CRPPA: variants seen among roughly 807,000 people sequenced by gnomAD.
CRPPA encodes the protein D-ribitol-5-phosphate cytidylyltransferase.
A neutral mutation model predicts 52.0 loss-of-function variants in CRPPA; 43 were observed. That is an observed-to-expected ratio of 0.83 (90% CI 0.65 to 1.07). The LOEUF (loss-of-function observed/expected upper bound fraction) is 1.07. CRPPA is among the 50% of genes least tolerant of loss of function. The pLI is 0.00. For missense variants in CRPPA, 629 were observed against 551.7 expected, an observed-to-expected ratio of 1.14 and a Z score of -1.40; for synonymous variants, 250 against 203.5, an observed-to-expected ratio of 1.23 and a Z score of -1.94.
chr7:16,412,444 A>T (rs1267346292), intron 1 of CRPPA, among the ~76,000 whole-genome samples: 6 of 152,320 alleles, frequency 3.9e-5, no homozygotes, highest in Admixed American at 2.0e-4. Context: ...ACAGGTCAAA[A>T]AAAAGTTTGG....
At chr7:16,418,157 G>A (rs965312345) in intron 1 of CRPPA, among the ~76,000 whole-genome samples, 3 of 152,164 alleles carry the variant, frequency 2.0e-5, no homozygotes, top group Admixed American at 6.5e-5. Flanking sequence ...CTTGGCAAAT[G>A]GCCAAGCAGC....
intron 9 of CRPPA, among the ~76,000 whole-genome samples, chr7:16,110,470 C>A: frequency 6.6e-6 from 1 of 151,850 alleles, no homozygotes; most frequent in East Asian, 1.9e-4. Flanking sequence ...CCAAGGCAGC[C>A]ACGAGCGAAA....
intron 8 of CRPPA, among the ~76,000 whole-genome samples, chr7:16,232,575 C>A (rs1442106107): frequency 6.6e-6 from 1 of 151,968 alleles, no homozygotes; most frequent in Admixed American, 6.6e-5. Context: ...TATTCTAACA[C>A]CAGAAAACAC....
At chr7:16,176,642 A>G (rs1781302575) in intron 9 of CRPPA, among the ~76,000 whole-genome samples, 1 of 152,128 alleles carries the variant, frequency 6.6e-6, no homozygotes, top group Admixed American at 6.6e-5. Flanking sequence ...GGTTCTCACT[A>G]TGTTGTTCAC....
intron 8 of CRPPA, among the ~76,000 whole-genome samples, chr7:16,243,911 G>C (rs1425708900): frequency 6.6e-6 from 1 of 152,154 alleles, no homozygotes; most frequent in Non-Finnish European, 1.5e-5. Context: ...AGGCTTCATT[G>C]AGCTATGATC....
chr7:16,419,653 G>T (rs1257948687), intron 1 of CRPPA, among the ~76,000 whole-genome samples: 1 of 152,006 alleles, frequency 6.6e-6, no homozygotes, highest in Non-Finnish European at 1.5e-5. Context: ...CCATGAATCA[G>T]CTGACACCAC....
chr7:16,101,336 C>A (rs1377795122), intron 9 of CRPPA, among the ~76,000 whole-genome samples: 2 of 151,928 alleles, frequency 1.3e-5, no homozygotes, highest in South Asian at 4.1e-4. Context: ...TCAGAACTTG[C>A]TACTCAGTGA....
At position 16,389,725 on chromosome 7, in the gene CRPPA, T is replaced by G. The variant is rs1189327412; in HGVS notation, c.535-13484A>C. The stretch of plus-strand genomic sequence containing the variant: ...GAAATCCACTGTTGGCCATTTCCAG[T>G]AAACACTGTAATGGGAGTCCTAGCT... On this transcript the variant is annotated intron_variant, in intron 2 of 9. Coordinates refer to ENST00000407010, the MANE Select transcript of CRPPA (RefSeq NM_001101426.4). Among the ~76,000 whole-genome samples, 5 of 151,414 alleles carry G rather than the reference T, an allele frequency of 3.3e-5. No individual in the cohort carries two copies. The East Asian group carries it at 9.7e-4, about 29-fold the overall frequency.
At chr7:16,363,769 G>GA (rs1035271734) in intron 3 of CRPPA, among the ~76,000 whole-genome samples, 1 of 151,936 alleles carries the variant, frequency 6.6e-6, no homozygotes, top group Non-Finnish European at 1.5e-5. Context: ...GACCAGTGGG[G>GA]AAAAAAACAC....
chr7:16,217,019 G>C lies in CRPPA; in HGVS notation c.1120-822C>G, dbSNP rs11981616. On this transcript the variant is annotated intron_variant, in intron 8 of 9. Coordinates refer to ENST00000407010, the MANE Select transcript of CRPPA (RefSeq NM_001101426.4). ...AGACAAACAAAAAGACAGCAGTAACGTCTGCAGACTTAAATGTCCCTGTCT... is the reference window on the plus strand; with the variant it reads ...AGACAAACAAAAAGACAGCAGTAACCTCTGCAGACTTAAATGTCCCTGTCT... Among the ~76,000 whole-genome samples the C allele has an allele frequency of 6.4e-3, 960 of 150,976 alleles. 14 individuals carry two copies. Among genetic ancestry groups the C allele is most frequent in the African/African-American group, 0.022 (915 of 41,118 alleles).
In CRPPA at chr7:16,216,328, T is replaced by G. The variant is rs567402047; in HGVS notation, c.1120-131A>C. On this transcript the variant is annotated intron_variant, in intron 8 of 9. Coordinates refer to ENST00000407010, the MANE Select transcript of CRPPA (RefSeq NM_001101426.4). ...TAATCTTTATTAACTTTTGTTAATC[T>G]CTAGTTATGCTTCAAGCCATACTTA... 1.3e-4 allele frequency: 77 copies of G among 580,310 alleles called. No homozygotes were observed. In the East Asian group the frequency reaches 2.3e-3, roughly 18 times the overall value. 35.9% of individuals were successfully genotyped at this position (580,310 alleles called of 1,614,324 possible). A position where few individuals can be genotyped will look rare whatever the true frequency, so the allele number is the denominator to read the frequency against.
intron 2 of CRPPA, among the ~76,000 whole-genome samples, chr7:16,376,545 C>T (rs1261213555): frequency 2.6e-5 from 4 of 151,888 alleles, no homozygotes; most frequent in African/African-American, 9.7e-5. Flanking sequence ...ATTGGGTGTT[C>T]CCTAAAGATG....
intron 3 of CRPPA, among the ~76,000 whole-genome samples, chr7:16,308,951 T>C (rs1784976583): frequency 6.6e-6 from 1 of 152,218 alleles, no homozygotes; most frequent in Non-Finnish European, 1.5e-5. Flanking sequence ...CAAACATGTT[T>C]ATAAAATGCC....
At chr7:16,240,258 T>G (rs1057096030) in intron 8 of CRPPA, among the ~76,000 whole-genome samples, 1 of 151,168 alleles carries the variant, frequency 6.6e-6, no homozygotes, top group African/African-American at 2.4e-5. Flanking sequence ...CCAGTATTTA[T>G]TTAGGTTTTC....
chr7:16,088,649 A>T lies in CRPPA; in HGVS notation c.*3046T>A, dbSNP rs1389938272. ...TAGCCAGGATGGTCTGGATCTCCTG[A>T]CCTCGTAATCTGCCTGCCTCGGCCT... On this transcript the variant is annotated 3_prime_UTR_variant, in exon 10 of 10. Coordinates refer to ENST00000407010, the MANE Select transcript of CRPPA (RefSeq NM_001101426.4). 2.6e-5 allele frequency: 4 copies of T among 153,322 alleles called. No homozygotes were observed. The highest frequency in any genetic ancestry group is 5.8e-5 in the Non-Finnish European group (4 of 68,954). 9.5% of individuals were successfully genotyped at this position (153,322 alleles called of 1,614,324 possible). A position where few individuals can be genotyped will look rare whatever the true frequency, so the allele number is the denominator to read the frequency against.
chr7:16,214,622 A>G (rs1562561824), intron 9 of CRPPA, among the ~76,000 whole-genome samples: 1 of 152,054 alleles, frequency 6.6e-6, no homozygotes, highest in Non-Finnish European at 1.5e-5. Context: ...CTCCCACCTC[A>G]GCCTCCCAGG....
intron 5 of CRPPA, among the ~76,000 whole-genome samples, chr7:16,298,913 C>T (rs1485089959): frequency 6.6e-6 from 1 of 152,208 alleles, no homozygotes; most frequent in Non-Finnish European, 1.5e-5. Context: ...GGGATTTACA[C>T]CCTTGACTTC....
chr7:16,340,046 T>A (rs1319576249), intron 3 of CRPPA, among the ~76,000 whole-genome samples: 1 of 152,048 alleles, frequency 6.6e-6, no homozygotes, highest in East Asian at 1.9e-4. Flanking sequence ...AAACTGGACA[T>A]CCAGATGCAA....
chr7:16,112,868 T>C (rs1335840056), intron 9 of CRPPA, among the ~76,000 whole-genome samples: 1 of 152,028 alleles, frequency 6.6e-6, no homozygotes, highest in Admixed American at 6.6e-5. Flanking sequence ...AAGATATGAA[T>C]ATATAGACTT....
Sources: allele counts gnomAD v4.1 joint callset (sites outside exome capture counted in the v4.1 genomes callset), GRCh38; gene constraint gnomAD v4.1.1; transcripts MANE v1.5; gene names NCBI Gene and HGNC (gene_info 2026-07-23, HGNC 2026-07-21).